Variants in TMEM255B observed in about 807,000 individuals in gnomAD.
The protein encoded by TMEM255B is transmembrane protein 255B, also known as family with sequence similarity 70, member B.
Under a neutral mutation model 34.5 loss-of-function variants are expected in TMEM255B, and 35 were observed. The observed-to-expected ratio is 1.01, with a 90% confidence interval of 0.77 to 1.34. TMEM255B has a LOEUF of 1.34. TMEM255B is among the 40% of genes most tolerant of loss of function. TMEM255B has a pLI of 0.00. For synonymous variants in TMEM255B, 206 were observed against 201.2 expected (o/e 1.02, Z -0.20); for missense variants, 432 against 433.2 (o/e 1.00, Z 0.02).
At chr13:113,802,038 C>T (rs1040670208) in intron 7 of TMEM255B, among the ~76,000 whole-genome samples, 6 of 152,240 alleles carry the variant, frequency 3.9e-5, no homozygotes, top group Non-Finnish European at 8.8e-5. Flanking sequence ...ATCCTTGCCT[C>T]CCCGCTGAGG....
intron 8 of TMEM255B, among the ~76,000 whole-genome samples, chr13:113,810,862 G>A (rs755465751): frequency 6.6e-6 from 1 of 152,228 alleles, no homozygotes; most frequent in Non-Finnish European, 1.5e-5. Context: ...GCTGCTGGAC[G>A]TGTGGACGTG....
intron 8 of TMEM255B, among the ~76,000 whole-genome samples, chr13:113,809,009 T>C (rs1374807351): frequency 7.2e-6 from 1 of 138,528 alleles, no homozygotes; most frequent in African/African-American, 2.7e-5. Flanking sequence ...CTTTACTCCA[T>C]GGTTCCTCGG....
intron 7 of TMEM255B, among the ~76,000 whole-genome samples, chr13:113,802,796 C>T (rs572097891): frequency 6.7e-6 from 1 of 148,584 alleles, no homozygotes; most frequent in East Asian, 1.9e-4. Context: ...CCTCTGGCTC[C>T]CCACCCAGTG....
At chr13:113,771,920 C>G (rs556201758) in intron 3 of TMEM255B, among the ~76,000 whole-genome samples, 1 of 152,264 alleles carries the variant, frequency 6.6e-6, no homozygotes, top group South Asian at 2.1e-4. Flanking sequence ...ATTTGAGGAA[C>G]TGCCAGACTG....
Position 113,769,051 on chromosome 13 carries a change from T to G in TMEM255B, c.190-47T>G, listed in dbSNP as rs777558371. On this transcript the variant is annotated intron_variant, in intron 2 of 8. Coordinates refer to ENST00000375353, the MANE Select transcript of TMEM255B (RefSeq NM_182614.4). This position sits in a 1 kb window ranked among gnomAD's most constrained non-coding sequence, Gnocchi z 4.2. ...GCTTTAAATGTCAGTGTTAAGCTTC[T>G]AGGCACGTTAATGAGTGTTTCTCTC... The G allele has an allele frequency of 6.2e-7, 1 of 1,604,028 alleles. No individual in the cohort carries two copies. The highest frequency in any genetic ancestry group is 8.5e-7 in the Non-Finnish European group (1 of 1,170,862).
chr13:113,759,266 C>T lies in TMEM255B; in HGVS notation c.-4C>T, dbSNP rs977379307. The stretch of plus-strand genomic sequence containing the variant: ...GCCCCGGGAGAGCCGGGTGGGGCCT[C>T]GGGATGCAGCCGCCGGTGCCCGGGC... On this transcript the variant is annotated 5_prime_UTR_variant, in exon 1 of 9. Transcript: ENST00000375353. 3 of 1,228,354 alleles carry T rather than the reference C, an allele frequency of 2.4e-6. No homozygotes were observed. Among genetic ancestry groups the T allele is most frequent in the African/African-American group, 1.6e-5 (1 of 64,194 alleles). The allele number at this position is 1,228,354 out of a possible 1,614,324, so 76.1% of individuals were successfully genotyped here.
At chr13:113,779,091 G>C (rs1167829820) in intron 3 of TMEM255B, among the ~76,000 whole-genome samples, 5 of 152,170 alleles carry the variant, frequency 3.3e-5, no homozygotes. Flanking sequence ...TTTATGGCAG[G>C]GTTGGAAGGT....
chr13:113,799,701 T>G (rs2051007060), intron 5 of TMEM255B: 5 of 692,422 alleles, frequency 7.2e-6, no homozygotes, highest in Non-Finnish European at 1.4e-5. Flanking sequence ...CAATTAGCAT[T>G]TTTCTAATTT....
intron 8 of TMEM255B, among the ~76,000 whole-genome samples, chr13:113,805,779 C>T (rs2051160087): frequency 6.6e-6 from 1 of 152,200 alleles, no homozygotes; most frequent in African/African-American, 2.4e-5. Context: ...TGTCTCCTGC[C>T]TGGACGTGCC....
intron 3 of TMEM255B, among the ~76,000 whole-genome samples, chr13:113,785,514 A>G (rs916882942): frequency 6.6e-6 from 1 of 152,252 alleles, no homozygotes; most frequent in African/African-American, 2.4e-5. Flanking sequence ...ATGAGCAAAG[A>G]GAGGTCTTAG....
chr13:113,790,389 G>C (rs113719282), intron 3 of TMEM255B, among the ~76,000 whole-genome samples: 13 of 46,338 alleles, frequency 2.8e-4, no homozygotes, highest in South Asian at 1.2e-3. Flanking sequence ...CATCCTAGCT[G>C]TGGACTGACC....
intron 3 of TMEM255B, among the ~76,000 whole-genome samples, chr13:113,790,823 T>G (rs1175909912): frequency 8.6e-6 from 1 of 116,298 alleles, no homozygotes. Context: ...ACTGGACACA[T>G]GGATATCCTA....
intron 1 of TMEM255B, among the ~76,000 whole-genome samples, chr13:113,765,906 A>G (rs2050379760): frequency 6.6e-6 from 1 of 152,226 alleles, no homozygotes; most frequent in Admixed American, 6.5e-5. Context: ...CGCAAATACC[A>G]GGCTATCCAG....
chr13:113,801,676 A>ATGAGT lies in TMEM255B; in HGVS notation c.535_539dup (p.Phe180LeufsTer25). ...AGCGCAGAGCCCTCGCCCGCCTACT[A>ATGAGT]TGAGTTCATCGGCGTCAGCGGCTGC... On this transcript the variant is annotated frameshift_variant, in exon 7 of 9. Coordinates refer to ENST00000375353, the MANE Select transcript of TMEM255B (RefSeq NM_182614.4). LOFTEE classifies it high-confidence loss of function. 6.2e-7 allele frequency: 1 copy of ATGAGT among 1,611,884 alleles called. No individual in the cohort carries two copies. Among genetic ancestry groups the ATGAGT allele is most frequent in the Non-Finnish European group, 8.5e-7 (1 of 1,178,982 alleles).
rs1034169466 is a variant in TMEM255B at position 113,806,178 on chromosome 13, G to A, written c.813+1150G>A. 3.3e-5 allele frequency among the ~76,000 whole-genome samples: 5 copies of A among 152,174 alleles called. No homozygotes were observed. Among genetic ancestry groups the A allele is most frequent in the African/African-American group, 1.2e-4 (5 of 41,438 alleles). ...CACGTCCAGGACAGAGAGGGCTCAG[G>A]TTTGAGCGGGGCCCGAGAGCCACGA... On this transcript the variant is annotated intron_variant, in intron 8 of 8. Transcript: ENST00000375353. This position sits in a 1 kb window ranked among gnomAD's most constrained non-coding sequence, Gnocchi z 4.2.
At chr13:113,761,855 C>G (rs1489049231) in intron 1 of TMEM255B, among the ~76,000 whole-genome samples, 1 of 152,106 alleles carries the variant, frequency 6.6e-6, no homozygotes, top group Non-Finnish European at 1.5e-5. Flanking sequence ...ATCTGAGCCC[C>G]GGGAACCGGC....
At chr13:113,773,713 C>T (rs2050513363) in intron 3 of TMEM255B, among the ~76,000 whole-genome samples, 1 of 152,236 alleles carries the variant, frequency 6.6e-6, no homozygotes, top group South Asian at 2.1e-4. Context: ...TAGCTGGAAC[C>T]TGGCTGTCCG....
At chr13:113,805,330 C>T (rs539841607) in intron 8 of TMEM255B, among the ~76,000 whole-genome samples, 3 of 152,332 alleles carry the variant, frequency 2.0e-5, no homozygotes, top group East Asian at 1.9e-4. Context: ...GGTGGAGGCT[C>T]CTGCGTTTGT....
intron 1 of TMEM255B, among the ~76,000 whole-genome samples, chr13:113,759,715 A>G (rs2050264619): frequency 1.3e-5 from 2 of 151,974 alleles, no homozygotes; most frequent in South Asian, 2.1e-4. Context: ...GTTTATTCCA[A>G]CCTACACCAT....
Sources: gnomAD v4.1 joint callset for allele counts (sites outside exome capture counted in the v4.1 genomes callset) on GRCh38, gnomAD v4.1.1 for gene constraint, Gnocchi (gnomAD v3.1) non-coding constraint, MANE v1.5 for transcripts, NCBI Gene and HGNC (gene_info 2026-07-23, HGNC 2026-07-21) for gene names.